The following ULK4 variants were observed in gnomAD, a reference collection of about 807,000 sequenced individuals.
ULK4 encodes the protein unc-51 like kinase 4.
A neutral mutation model predicts 160.6 loss-of-function variants in ULK4; 133 were observed. That is an observed-to-expected ratio of 0.83 (90% CI 0.72 to 0.96). The LOEUF is 0.96. ULK4 is among the 40% of genes least tolerant of loss of function. The pLI is 0.00. For missense variants in ULK4, 1,580 were observed against 1,499.5 expected (o/e 1.05, Z -0.89); for synonymous variants, 534 against 539.8 (o/e 0.99, Z 0.15).
At chr3:41,598,806 G>A (rs1050225030) in intron 31 of ULK4, among the ~76,000 whole-genome samples, 6 of 152,190 alleles carry the variant, frequency 3.9e-5, no homozygotes, top group African/African-American at 1.4e-4. Flanking sequence ...TTATGTAAGT[G>A]TATTATTGCT....
chr3:41,309,257 A>G (rs1057511360), intron 35 of ULK4, among the ~76,000 whole-genome samples: 9 of 152,270 alleles, frequency 5.9e-5, no homozygotes, highest in Non-Finnish European at 8.8e-5. Flanking sequence ...TGCAGGAAGC[A>G]ACATTCTCTA....
chr3:41,769,410 T>C (rs544535296), intron 21 of ULK4, among the ~76,000 whole-genome samples: 3 of 152,320 alleles, frequency 2.0e-5, no homozygotes, highest in South Asian at 4.2e-4. Context: ...AAACTGACTT[T>C]AGAGAACCAA....
chr3:41,906,386 G>A (rs879541177), intron 12 of ULK4, among the ~76,000 whole-genome samples: 4 of 152,052 alleles, frequency 2.6e-5, no homozygotes, highest in South Asian at 2.1e-4. Flanking sequence ...AAACTTAGCC[G>A]GGTGTGGTGG....
intron 30 of ULK4, among the ~76,000 whole-genome samples, chr3:41,655,314 G>A (rs993640433): frequency 6.8e-6 from 1 of 147,592 alleles, no homozygotes; most frequent in Non-Finnish European, 1.5e-5. Context: ...ACTCATAGGT[G>A]GGAATTGAAC....
chr3:41,358,626 T>C (rs2081072864), intron 35 of ULK4, among the ~76,000 whole-genome samples: 1 of 152,162 alleles, frequency 6.6e-6, no homozygotes, highest in Admixed American at 6.5e-5. Context: ...GGTACAAGTA[T>C]ACTTGGTGTG....
chr3:41,424,968 G>C (rs1019024469), intron 34 of ULK4, among the ~76,000 whole-genome samples: 1 of 152,026 alleles, frequency 6.6e-6, no homozygotes, highest in Admixed American at 6.6e-5. Flanking sequence ...ACAGAAGTAG[G>C]CTTCAAAGGT....
At chr3:41,609,833 G>C (rs78341022) in intron 31 of ULK4, among the ~76,000 whole-genome samples, 7,481 of 151,980 alleles carry the variant, frequency 0.049, 424 homozygotes, top group African/African-American at 0.13. Flanking sequence ...AATTAGCCAG[G>C]CACAGTGGCA....
intron 35 of ULK4, among the ~76,000 whole-genome samples, chr3:41,269,948 T>C (rs994742243): frequency 6.6e-6 from 1 of 152,190 alleles, no homozygotes; most frequent in Non-Finnish European, 1.5e-5. Flanking sequence ...AAAATACTAT[T>C]ATCAGTATGA....
intron 7 of ULK4, among the ~76,000 whole-genome samples, chr3:41,916,421 CT>C (rs1226407675): frequency 6.6e-6 from 1 of 152,142 alleles, no homozygotes; most frequent in Non-Finnish European, 1.5e-5. Flanking sequence ...TAGAGTCTTG[CT>C]CTGTCACCCA....
intron 5 of ULK4, among the ~76,000 whole-genome samples, chr3:41,922,894 A>G (rs1173718491): frequency 6.6e-6 from 1 of 152,076 alleles, no homozygotes; most frequent in African/African-American, 2.4e-5. Flanking sequence ...GAACCAGGCC[A>G]GGTGCGGTGC....
chr3:41,824,262 T>C (rs933758592), intron 18 of ULK4, among the ~76,000 whole-genome samples: 2 of 151,812 alleles, frequency 1.3e-5, no homozygotes, highest in Non-Finnish European at 2.9e-5. Flanking sequence ...GGGTGATTTC[T>C]GCATTTCCAA....
At chr3:41,729,238 C>T (rs1010588525) in intron 22 of ULK4, among the ~76,000 whole-genome samples, 2 of 152,128 alleles carry the variant, frequency 1.3e-5, no homozygotes, top group Non-Finnish European at 2.9e-5. Flanking sequence ...GGAAATTCCC[C>T]CTACAAGAAA....
chr3:41,640,525 G>C (rs930500532), intron 30 of ULK4, among the ~76,000 whole-genome samples: 3 of 152,264 alleles, frequency 2.0e-5, no homozygotes, highest in Admixed American at 2.0e-4. Flanking sequence ...CTGAGGAGGT[G>C]ACCAGAGACC....
intron 32 of ULK4, among the ~76,000 whole-genome samples, chr3:41,475,684 T>A (rs990616248): frequency 3.3e-5 from 5 of 152,082 alleles, no homozygotes; most frequent in Non-Finnish European, 5.9e-5. Context: ...CTGAGAAAAG[T>A]TCACTGATTT....
chr3:41,474,757 C>A (rs554756087), intron 32 of ULK4, among the ~76,000 whole-genome samples: 39 of 146,574 alleles, frequency 2.7e-4, no homozygotes, highest in Middle Eastern at 3.5e-3. Flanking sequence ...ATGCTCATCA[C>A]CAGGGAAATA....
chr3:41,908,488 C>A (rs1358938056), intron 11 of ULK4, among the ~76,000 whole-genome samples: 1 of 152,056 alleles, frequency 6.6e-6, no homozygotes, highest in African/African-American at 2.4e-5. Flanking sequence ...CTCTGTCACC[C>A]AGGCTAGAGT....
intron 35 of ULK4, among the ~76,000 whole-genome samples, chr3:41,315,606 C>T (rs191933366): frequency 2.0e-5 from 3 of 152,268 alleles, no homozygotes; most frequent in African/African-American, 7.2e-5. Flanking sequence ...GCATTTCAAC[C>T]ACAGGCCTCT....
At chr3:41,632,491 T>C (rs1231535922) in intron 30 of ULK4, among the ~76,000 whole-genome samples, 6 of 152,220 alleles carry the variant, frequency 3.9e-5, no homozygotes, top group Admixed American at 3.9e-4. Context: ...GTATCTTTTA[T>C]GTGCCATGCA....
chr3:41,850,350 T>C (rs914559794), intron 17 of ULK4, among the ~76,000 whole-genome samples: 11 of 152,198 alleles, frequency 7.2e-5, no homozygotes, highest in Non-Finnish European at 1.3e-4. Flanking sequence ...CTGGGTCAAA[T>C]GGTATTTCTA....
Sources: allele counts gnomAD v4.1 joint callset (sites outside exome capture counted in the v4.1 genomes callset), GRCh38; gene constraint gnomAD v4.1.1; transcripts MANE v1.5; gene names NCBI Gene and HGNC (gene_info 2026-07-23, HGNC 2026-07-21).